Variants in FKBP5 observed in about 807,000 individuals in gnomAD.
FKBP5 encodes the protein peptidyl-prolyl cis-trans isomerase FKBP5.
FKBP5 carries 23 observed loss-of-function variants against 50.5 expected under a neutral mutation model. The ratio of observed to expected loss-of-function variants is 0.46; its 90% CI spans 0.33 to 0.65. FKBP5 has a LOEUF of 0.65. Ranked by LOEUF, FKBP5 falls within the 30% of genes least tolerant of loss-of-function variation. The pLI, the probability that FKBP5 is intolerant of heterozygous loss-of-function variation, is 0.02. For synonymous variants in FKBP5, 176 were observed against 190.6 expected (o/e 0.92, Z 0.63); for missense variants, 411 against 553.1 (o/e 0.74, Z 2.58).
Position 35,659,568 on chromosome 6 carries a change from T to C in FKBP5, c.-19-16725A>G, listed in dbSNP as rs1240311180. Among the ~76,000 whole-genome samples the C allele has an allele frequency of 5.9e-5, 5 of 85,178 alleles. 2 individuals are homozygous for C. The highest frequency in any genetic ancestry group is 1.8e-4 in the African/African-American group (5 of 27,576). 55.9% of individuals were successfully genotyped at this position (85,178 alleles called of 152,430 possible). A position where few individuals can be genotyped will look rare whatever the true frequency, so the allele number is the denominator to read the frequency against. ...GGCCGAATTCAATTTCTTTAATAGA[T>C]ATAGGACTTTTCAGGTTGTTTCTTC... On this transcript the variant is annotated intron_variant, in intron 1 of 10. Coordinates refer to ENST00000357266, the MANE Select transcript of FKBP5 (RefSeq NM_004117.4).
intron 2 of FKBP5, among the ~76,000 whole-genome samples, chr6:35,711,799 G>T (rs1006311827): frequency 6.6e-6 from 1 of 152,120 alleles, no homozygotes. Context: ...TAAATTATGC[G>T]CATGTAAAGT....
chr6:35,708,138 A>T (rs541993555), intron 2 of FKBP5, among the ~76,000 whole-genome samples: 5 of 152,252 alleles, frequency 3.3e-5, no homozygotes, highest in Non-Finnish European at 7.3e-5. Context: ...AAATATTCCC[A>T]TATATGCCAA....
At chr6:35,705,354 C>G (rs1766289231) in intron 2 of FKBP5, among the ~76,000 whole-genome samples, 1 of 143,530 alleles carries the variant, frequency 7.0e-6, no homozygotes, top group Admixed American at 7.1e-5. Context: ...GCAACCTCTG[C>G]CTCCCAGGTT....
At chr6:35,583,107 C>T (rs1176870508) in intron 8 of FKBP5, 99 of 985,268 alleles carry the variant, frequency 1.0e-4, no homozygotes, top group Non-Finnish European at 1.2e-4. Flanking sequence ...ATACCAACAA[C>T]AAAACCTTTT....
intron 7 of FKBP5, among the ~76,000 whole-genome samples, chr6:35,589,470 T>C (rs1762746242): frequency 1.3e-5 from 2 of 152,054 alleles, no homozygotes; most frequent in African/African-American, 4.8e-5. Flanking sequence ...TTAAATCACA[T>C]TGCCCCAAAC....
chr6:35,599,310 G>C (rs1003058412), intron 5 of FKBP5, among the ~76,000 whole-genome samples: 1 of 151,988 alleles, frequency 6.6e-6, no homozygotes, highest in African/African-American at 2.4e-5. Flanking sequence ...TATCAATATA[G>C]TCCAGAAACC....
chr6:35,694,993 T>C (rs1766059635), intron 2 of FKBP5, among the ~76,000 whole-genome samples: 1 of 152,188 alleles, frequency 6.6e-6, no homozygotes, highest in South Asian at 2.1e-4. Context: ...GGCATGTCTG[T>C]GTCCCAACAA....
rs866906660 is a variant in FKBP5, at chr6:35,726,913, A to G, written c.-241+1595T>C. Among the ~76,000 whole-genome samples the G allele has an allele frequency of 7.9e-5, 12 of 152,320 alleles. No individual in the cohort carries two copies. In the South Asian group the frequency reaches 1.7e-3, roughly 21 times the overall value. On this transcript the variant is annotated intron_variant, in intron 1 of 11. Coordinates refer to the FKBP5 transcript ENST00000536438. ...TTTGTTTCTGCCTCAAGGACTTTCT[A>G]ATCTGGTTAGAAGAACAGGATTAGT... is the stretch of plus-strand genomic sequence containing the variant.
intron 5 of FKBP5, among the ~76,000 whole-genome samples, chr6:35,609,987 C>T (rs2150971469): frequency 6.6e-6 from 1 of 152,248 alleles, no homozygotes; most frequent in East Asian, 1.9e-4. Context: ...TGATTCTTTG[C>T]TGTCTGGCCG....
intron 8 of FKBP5, among the ~76,000 whole-genome samples, 169 bp from the exon 9 acceptor site, chr6:35,580,390 G>A (rs552934299): frequency 3.3e-5 from 5 of 152,174 alleles, no homozygotes; most frequent in South Asian, 2.1e-4. Flanking sequence ...TGGAGGCCTC[G>A]ATGGCCTGTG....
At chr6:35,641,547 C>T (rs1177935617) in intron 2 of FKBP5, among the ~76,000 whole-genome samples, 1 of 152,168 alleles carries the variant, frequency 6.6e-6, no homozygotes. Context: ...TATGGGACCA[C>T]TGCTGAAGGT....
At chr6:35,711,630 A>T (rs572096855) in intron 2 of FKBP5, among the ~76,000 whole-genome samples, 13 of 148,524 alleles carry the variant, frequency 8.8e-5, no homozygotes, top group African/African-American at 3.3e-4. Flanking sequence ...AAAAAAGGAG[A>T]GGAGAGGAGA....
chr6:35,603,852 C>T lies in FKBP5; in HGVS notation c.509-6448G>A, dbSNP rs139713577. Among the ~76,000 whole-genome samples the T allele has an allele frequency of 3.6e-4, 55 of 152,102 alleles. 1 individual carries two copies. In the South Asian group the frequency reaches 0.01, roughly 28 times the overall value. On this transcript the variant is annotated intron_variant, in intron 5 of 10. Coordinates refer to ENST00000357266, the MANE Select transcript of FKBP5 (RefSeq NM_004117.4). ...TCCCAAGTAGCTGGGACTACAGGCC[C>T]GCACCACCATGCCCAGCTAATTTTT...
rs1195394677 is a variant in FKBP5, at chr6:35,574,127, C to T, written c.*1708G>A. The T allele has an allele frequency of 6.6e-6, 1 of 151,796 alleles. No individual in the cohort carries two copies. The highest frequency in any genetic ancestry group is 1.5e-5 in the Non-Finnish European group (1 of 67,948). The allele number at this position is 151,796 out of a possible 1,614,324, so 9.4% of individuals were successfully genotyped here. A position where few individuals can be genotyped will look rare whatever the true frequency, so the allele number is the denominator to read the frequency against. On this transcript the variant is annotated 3_prime_UTR_variant, in exon 11 of 11. Coordinates refer to ENST00000357266, the MANE Select transcript of FKBP5 (RefSeq NM_004117.4). ...TAAAAGAAATATTTCATAAAAAAGA[C>T]AAAAGCATAAATGAGAAATTAGAGG...
At chr6:35,688,441 C>A (rs1260109368) in intron 1 of FKBP5, among the ~76,000 whole-genome samples, 4 of 151,940 alleles carry the variant, frequency 2.6e-5, no homozygotes, top group African/African-American at 4.8e-5. Context: ...TCATCCCGGG[C>A]GGGAAACAAA....
intron 1 of FKBP5, among the ~76,000 whole-genome samples, chr6:35,723,475 A>G (rs1451209607): frequency 6.6e-6 from 1 of 152,164 alleles, no homozygotes; most frequent in East Asian, 1.9e-4. Flanking sequence ...CTGGGAAAAA[A>G]GATGGTGTCA....
intron 8 of FKBP5, chr6:35,582,392 T>A: frequency 1.4e-6 from 1 of 718,030 alleles, no homozygotes; most frequent in Non-Finnish European, 1.7e-6. Flanking sequence ...GGGGAGGGAA[T>A]TAGGTTAGAT....
At chr6:35,703,344 G>A (rs969437054) in intron 2 of FKBP5, among the ~76,000 whole-genome samples, 43 of 152,022 alleles carry the variant, frequency 2.8e-4, no homozygotes, top group South Asian at 4.1e-4. Context: ...CCCGGGAGGC[G>A]GAGGTTGTAG....
At chr6:35,705,236 ATATATATATATATATATATATATTTT>A (rs1766276328) in intron 2 of FKBP5, among the ~76,000 whole-genome samples, 2 of 74,346 alleles carry the variant, frequency 2.7e-5, no homozygotes, top group South Asian at 5.2e-4. Context: ...ATATATATAT[ATATATATATATATATATATATATTTT>A]TTTTTTTTTT....
Sources: allele counts gnomAD v4.1 joint callset (sites outside exome capture counted in the v4.1 genomes callset), GRCh38; gene constraint gnomAD v4.1.1; transcripts MANE v1.5; gene names NCBI Gene and HGNC (gene_info 2026-07-23, HGNC 2026-07-21).